Variants in SERPINA4 observed in about 807,000 individuals in gnomAD.
SERPINA4 encodes serpin family A member 4.
In SERPINA4, 24 loss-of-function variants were observed where a neutral mutation model predicts 25.4. The ratio of observed to expected loss-of-function variants is 0.95; its 90% confidence interval spans 0.69 to 1.33. The LOEUF is 1.33. Among genes scored for constraint, SERPINA4 ranks in the 40% most tolerant of loss-of-function variants. The pLI is 0.00. For synonymous variants in SERPINA4, 242 were observed against 223.6 expected (o/e 1.08, Z -0.73); for missense variants, 553 against 535.8 (o/e 1.03, Z -0.32).
rs544109774 is a variant in SERPINA4 at position 94,569,825 on chromosome 14, A to T, written c.*230A>T. 9.0e-5 allele frequency: 52 copies of T among 576,654 alleles called. 2 individuals are homozygous for T. In the South Asian group the frequency reaches 1.1e-3, roughly 12 times the overall value. 35.7% of individuals were successfully genotyped at this position (576,654 alleles called of 1,614,324 possible). ...TCTGGCAGAGCATCCGACCTCTTGG[A>T]GCAAGTTTCTGCCTCTGGAAAGGGG... On this transcript the variant is annotated 3_prime_UTR_variant, in exon 5 of 5. Coordinates refer to ENST00000557004, the MANE Select transcript of SERPINA4 (RefSeq NM_006215.4).
At chr14:94,569,327 C>CAATT in intron 4 of SERPINA4, 68 bp from the exon 5 acceptor site, 1 of 1,437,312 alleles carries the variant, frequency 7.0e-7, no homozygotes, top group Non-Finnish European at 9.6e-7. Flanking sequence ...CAATTTCTGG[C>CAATT]TCTCGCAGTC....
At chr14:94,561,740 C>T (rs572622182) in intron 1 of SERPINA4, 45 of 1,289,646 alleles carry the variant, frequency 3.5e-5, no homozygotes, top group Non-Finnish European at 4.4e-5. Context: ...AGAAAAGCCT[C>T]CCCCAGGGAC....
rs967228247 is a variant in SERPINA4 at position 94,567,221 on chromosome 14, T to C, written c.901T>C (p.Trp301Arg). 3.7e-6 allele frequency: 6 copies of C among 1,613,802 alleles called. No homozygotes were observed. Among genetic ancestry groups the C allele is most frequent in the Non-Finnish European group, 4.2e-6 (5 of 1,179,896 alleles). Residue 301 changes from tryptophan (W) to arginine (R), a missense_variant, in exon 3 of 5, where the codon TGG becomes CGG. Trp to Arg is a moderately radical substitution (Grantham distance 101, BLOSUM62 -3). Transcript: ENST00000557004. ...EVLTPEMLMRWNNLLRKRNFY... is the reference protein window; with the variant it reads ...EVLTPEMLMRRNNLLRKRNFY... ...TCTGACTCCAGAGATGCTAATGAGG[T>C]GGAACAACTTGTTGCGGAAGAGGTA...
rs1392949983 is a variant in SERPINA4, at chr14:94,568,219, C to T, written c.1014C>T (p.Phe338=). The change falls in exon 4 of 5, where the codon TTC becomes TTT. Residue 338 remains phenylalanine, a synonymous_variant. Coordinates refer to ENST00000557004, the MANE Select transcript of SERPINA4 (RefSeq NM_006215.4). ...ATCAGATTTTGCCCAGGCTGGGCTT[C>T]ACGGATCTGTTCTCCAAGTGGGCTG... The part of the protein sequence containing the change: ...VLDQILPRLG[F]TDLFSKWADL... The T allele has an allele frequency of 1.9e-6, 3 of 1,614,122 alleles. No individual in the cohort carries two copies. Among genetic ancestry groups the T allele is most frequent in the African/African-American group, 2.7e-5 (2 of 74,954 alleles).
intron 1 of SERPINA4, 25 bp downstream of exon 1, chr14:94,561,519 A>G: frequency 1.9e-6 from 1 of 533,822 alleles, no homozygotes; most frequent in Non-Finnish European, 2.9e-6. Context: ...GAGACAATGG[A>G]GACGAGAGAC....
intron 3 of SERPINA4, among the ~76,000 whole-genome samples, chr14:94,567,870 G>A (rs1902269235): frequency 6.6e-6 from 1 of 152,218 alleles, no homozygotes; most frequent in Non-Finnish European, 1.5e-5. Context: ...GTCTCCCTGG[G>A]CACCTGAACA....
chr14:94,567,509 T>A (rs1380681080), intron 3 of SERPINA4, among the ~76,000 whole-genome samples: 1 of 152,100 alleles, frequency 6.6e-6, no homozygotes, highest in Non-Finnish European at 1.5e-5. Flanking sequence ...GCACAAGACT[T>A]GGGTCAAGTG....
rs149951409 is a variant in SERPINA4, at chr14:94,569,883, G to A, written c.*288G>A. 1.1e-5 allele frequency: 5 copies of A among 474,278 alleles called. No individual in the cohort carries two copies. Among genetic ancestry groups the A allele is most frequent in the African/African-American group, 3.9e-5 (2 of 51,366 alleles). 29.4% of individuals were successfully genotyped at this position (474,278 alleles called of 1,614,324 possible). On this transcript the variant is annotated 3_prime_UTR_variant, in exon 5 of 5. Transcript: ENST00000557004. Reference sequence around the variant, plus strand: ...CTTTTCACAACAGGCTGGTTGTACCGAGTAAACAACACGATGCCATGAAGA... The same window carrying A: ...CTTTTCACAACAGGCTGGTTGTACCAAGTAAACAACACGATGCCATGAAGA...
At chr14:94,569,199 T>C (rs1264884475) in intron 4 of SERPINA4, among the ~76,000 whole-genome samples, 196 bp from the exon 5 acceptor site, 1 of 152,216 alleles carries the variant, frequency 6.6e-6, no homozygotes, top group African/African-American at 2.4e-5. Context: ...TAATGAGAGC[T>C]ACCATGATTG....
chr14:94,567,357 C>T (rs1902254191), intron 3 of SERPINA4, 114 bp downstream of exon 3: 2 of 1,185,898 alleles, frequency 1.7e-6, no homozygotes, highest in Non-Finnish European at 2.3e-6. Context: ...AGAGAATTCT[C>T]ACTTGCTCTG....
In SERPINA4 at chr14:94,568,173, T is replaced by A. The variant is rs1307470126; in HGVS notation, c.968T>A (p.Ile323Asn). The A allele has an allele frequency of 2.5e-6, 4 of 1,614,118 alleles. No individual in the cohort carries two copies. The highest frequency in any genetic ancestry group is 3.4e-6 in the Non-Finnish European group (4 of 1,180,042). The change falls in exon 4 of 5, where the codon ATT becomes AAT. Residue 323 changes from isoleucine (I) to asparagine (N), a missense_variant. Physicochemically the swap from Ile to Asn is moderately radical, Grantham distance 149. Coordinates refer to ENST00000557004, the MANE Select transcript of SERPINA4 (RefSeq NM_006215.4). ...GAGTTGCATCTTCCCAAGTTCTCCA[T>A]TTCTGGCTCCTATGTATTAGATCAG... is the stretch of plus-strand genomic sequence containing the variant. ...KLELHLPKFS[I>N]SGSYVLDQIL...
chr14:94,565,831 A>G (rs1902186833), intron 2 of SERPINA4, among the ~76,000 whole-genome samples: 1 of 152,188 alleles, frequency 6.6e-6, no homozygotes, highest in African/African-American at 2.4e-5. Flanking sequence ...GGTCTGGGTG[A>G]CAGAATGAGA....
rs758574523 is a variant in SERPINA4 at position 94,564,037 on chromosome 14, C to T, written c.555C>T (p.His185=). ...GCACAATCCAGCTTATCAACGACCA[C>T]GTCAAGAAGGAAACTCGAGGGAAGA... ...TVGTIQLIND[H]VKKETRGKIV... is the part of the protein sequence containing the mutation. The change falls in exon 2 of 5, where the codon CAC becomes CAT. Residue 185 remains histidine, a synonymous_variant. Coordinates refer to ENST00000557004, the MANE Select transcript of SERPINA4 (RefSeq NM_006215.4). 2.7e-5 allele frequency: 43 copies of T among 1,612,454 alleles called. No individual in the cohort carries two copies. The highest frequency in any genetic ancestry group is 5.0e-5 in the Admixed American group (3 of 60,000).
rs766351953 is a variant in SERPINA4, at chr14:94,563,979, A to G, written c.497A>G (p.Lys166Arg). 9.9e-6 allele frequency: 16 copies of G among 1,614,068 alleles called. No homozygotes were observed. In the East Asian group the frequency reaches 3.6e-4, roughly 36 times the overall value. ...LNDTMAVYEA[K>R]LFHTNFYDTV... is the part of the protein sequence containing the mutation. ...GACACCATGGCCGTCTATGAGGCTA[A>G]ACTCTTCCACACCAACTTCTACGAC... Residue 166 changes from lysine to arginine, a missense_variant, in exon 2 of 5, where the codon AAA becomes AGA. Physicochemically the swap from Lys to Arg is conservative, Grantham distance 26. Coordinates refer to ENST00000557004, the MANE Select transcript of SERPINA4 (RefSeq NM_006215.4).
At chr14:94,566,904 C>T (rs1902230575) in intron 2 of SERPINA4, 66 bp from the exon 3 acceptor site, 3 of 1,532,660 alleles carry the variant, frequency 2.0e-6, no homozygotes, top group Non-Finnish European at 2.6e-6. Context: ...AGATGGCATT[C>T]CCTGGCTGGA....
intron 1 of SERPINA4, chr14:94,561,820 G>A (rs1902037754): frequency 1.6e-6 from 2 of 1,289,838 alleles, no homozygotes; most frequent in Non-Finnish European, 1.0e-6. Context: ...GTGATCTTGG[G>A]GAGCTCATGC....
rs759326993 is a variant in SERPINA4, at chr14:94,567,067, C to T, written c.747C>T (p.Asp249=). ...TTVRVPMMLQ[D]QEHHWYLHDR... Reference sequence around the variant, plus strand: ...TCCGGGTGCCCATGATGCTGCAGGACCAGGAGCATCACTGGTATCTTCATG... The same window carrying T: ...TCCGGGTGCCCATGATGCTGCAGGATCAGGAGCATCACTGGTATCTTCATG... Residue 249 remains aspartate, a synonymous_variant, in exon 3 of 5, where the codon GAC becomes GAT. Coordinates refer to ENST00000557004, the MANE Select transcript of SERPINA4 (RefSeq NM_006215.4). 6.8e-6 allele frequency: 11 copies of T among 1,614,076 alleles called. No individual in the cohort carries two copies. The highest frequency in any genetic ancestry group is 1.7e-5 in the Admixed American group (1 of 60,010).
intron 4 of SERPINA4, 37 bp downstream of exon 4, chr14:94,568,325 G>A (rs375079003): frequency 2.2e-5 from 35 of 1,610,770 alleles, no homozygotes; most frequent in Admixed American, 5.0e-5. Context: ...TAGAGAACTC[G>A]GTAGGGCAGT....
chr14:94,563,607 C>G lies in SERPINA4; in HGVS notation c.125C>G (p.Thr42Arg). 1 of 1,614,006 alleles carries G rather than the reference C, an allele frequency of 6.2e-7. No homozygotes were observed. The highest frequency in any genetic ancestry group is 1.1e-5 in the South Asian group (1 of 91,072). ...AGCTCCCACCAGCAGATTCTGGAGA[C>G]AGGTGAGGGCTCCCCCAGCCTCAAG... ...SNSSHQQILE[T>R]GEGSPSLKIA... Residue 42 changes from threonine to arginine, a missense_variant, in exon 2 of 5, where the codon ACA becomes AGA. By Grantham distance (71) the Thr-to-Arg change is moderately conservative. Transcript: ENST00000557004.
Sources: allele counts gnomAD v4.1 joint callset (sites outside exome capture counted in the v4.1 genomes callset), GRCh38; gene constraint gnomAD v4.1.1; transcripts MANE v1.5; gene names NCBI Gene and HGNC (gene_info 2026-07-23, HGNC 2026-07-21).